STRN4: variants seen among roughly 807,000 people sequenced by gnomAD.
STRN4 encodes the protein striatin 4, also known as striatin-4.
STRN4 carries 27 observed loss-of-function variants against 77.9 expected under a neutral mutation model. The ratio of observed to expected loss-of-function variants is 0.35; its 90% CI spans 0.26 to 0.48. STRN4 has a LOEUF of 0.48. STRN4 is among the 20% of genes least tolerant of loss of function. The pLI is 0.99. For missense variants in STRN4, 798 were observed against 1,049.7 expected (o/e 0.76, Z 3.31); for synonymous variants, 466 against 443.1 (o/e 1.05, Z -0.65).
chr19:46,725,729 C>A lies in STRN4; in HGVS notation c.1249-81G>T, dbSNP rs2054095979. The A allele has an allele frequency of 9.3e-6, 14 of 1,512,690 alleles. No individual in the cohort carries two copies. In the South Asian group the frequency reaches 1.7e-4, roughly 18 times the overall value. The allele number at this position is 1,512,690 out of a possible 1,614,324, so 93.7% of individuals were successfully genotyped here. A position where few individuals can be genotyped will look rare whatever the true frequency, so the allele number is the denominator to read the frequency against. ...GACACCGACACCCAGGGCTTGAGGGCCCCTGTCTTCCACCCACATGACCCT... is the reference window on the plus strand; with the variant it reads ...GACACCGACACCCAGGGCTTGAGGGACCCTGTCTTCCACCCACATGACCCT... On this transcript the variant is annotated intron_variant, in intron 9 of 17. Transcript: ENST00000263280.
intron 9 of STRN4, 148 bp downstream of exon 9, chr19:46,727,304 C>T (rs2270684): frequency 1.6e-5 from 11 of 672,310 alleles, no homozygotes; most frequent in East Asian, 1.1e-4. Flanking sequence ...CCTTGGCGAC[C>T]GCAGTCAAGT....
At chr19:46,728,227 A>G (rs2054167437) in intron 7 of STRN4, 2 of 659,542 alleles carry the variant, frequency 3.0e-6, no homozygotes, top group African/African-American at 3.6e-5. Context: ...GGCCCCAGCC[A>G]CCCATCCCAC....
intron 1 of STRN4, among the ~76,000 whole-genome samples, chr19:46,743,068 G>A (rs561134679): frequency 6.6e-6 from 1 of 152,302 alleles, no homozygotes; most frequent in South Asian, 2.1e-4. Context: ...AAAAGAAAGA[G>A]TTCTCTGTGC....
intron 9 of STRN4, 149 bp downstream of exon 9, chr19:46,727,303 C>T: frequency 1.5e-6 from 1 of 670,042 alleles, no homozygotes; most frequent in Non-Finnish European, 2.6e-6. Context: ...GCCTTGGCGA[C>T]CGCAGTCAAG....
rs768347053 is a variant in STRN4 at position 46,738,280 on chromosome 19, A to C, written c.387-43T>G. On this transcript the variant is annotated intron_variant, in intron 2 of 17. Coordinates refer to ENST00000263280, the MANE Select transcript of STRN4 (RefSeq NM_013403.3). This position sits in a 1 kb window ranked among gnomAD's most constrained non-coding sequence, Gnocchi z 4.5. The stretch of plus-strand genomic sequence containing the variant: ...TAATGAATAAGAGATGCGGGAGAGT[A>C]GACAGGGTCAGTAGTTACCTAAGGA... 6.4e-7 allele frequency: 1 copy of C among 1,564,542 alleles called. No homozygotes were observed. The highest frequency in any genetic ancestry group is 8.8e-7 in the Non-Finnish European group (1 of 1,135,210).
intron 6 of STRN4, among the ~76,000 whole-genome samples, chr19:46,729,796 A>T (rs2054207811): frequency 6.6e-6 from 1 of 152,212 alleles, no homozygotes. Context: ...GCACCAGCTC[A>T]TTCTAATTAA....
intron 5 of STRN4, 96 bp from the exon 6 acceptor site, chr19:46,730,969 G>A: frequency 6.5e-7 from 1 of 1,548,500 alleles, no homozygotes; most frequent in Non-Finnish European, 8.7e-7. Flanking sequence ...CCAGAGCCCA[G>A]ACCCAGCTAA....
At chr19:46,728,908 C>T in intron 6 of STRN4, 131 bp from the exon 7 acceptor site, 1 of 1,375,356 alleles carries the variant, frequency 7.3e-7, no homozygotes, top group Non-Finnish European at 9.7e-7. Context: ...AGCCGCCAGC[C>T]AGCTGCCCTG....
intron 8 of STRN4, 78 bp downstream of exon 8, chr19:46,727,816 G>A (rs1031396224): frequency 3.8e-6 from 5 of 1,324,744 alleles, no homozygotes; most frequent in African/African-American, 1.4e-5. Context: ...TGAAGACACA[G>A]AAGCCCTGGG....
intron 16 of STRN4, chr19:46,721,419 A>C (rs1040361509): frequency 5.1e-5 from 8 of 155,946 alleles, no homozygotes; most frequent in African/African-American, 1.7e-4. Flanking sequence ...AGAGGCTGCC[A>C]GCACAGGCCC....
chr19:46,728,336 C>T, intron 7 of STRN4: 2 of 586,666 alleles, frequency 3.4e-6, no homozygotes, highest in Non-Finnish European at 6.1e-6. Flanking sequence ...CCTGTTCCCT[C>T]CTTGAGGCCA....
chr19:46,737,880 T>C (rs143731052), intron 3 of STRN4, among the ~76,000 whole-genome samples: 2 of 152,200 alleles, frequency 1.3e-5, no homozygotes, highest in African/African-American at 4.8e-5. Context: ...ACTCTATAAA[T>C]AGCCCTGGCG....
chr19:46,724,249 C>CAAAAAAAAAAAAAAAAA (rs71970589), intron 12 of STRN4, among the ~76,000 whole-genome samples: 12 of 87,176 alleles, frequency 1.4e-4, no homozygotes, highest in African/African-American at 3.6e-4. Flanking sequence ...CTCTTTGTCT[C>CAAAAAAAAAAAAAAAAA]AAAAAAAAAA....
chr19:46,728,853 G>C, intron 6 of STRN4, 76 bp from the exon 7 acceptor site: 1 of 1,568,576 alleles, frequency 6.4e-7, no homozygotes, highest in Non-Finnish European at 8.7e-7. Context: ...CCTAGGAACA[G>C]GTAAGCCGGG....
chr19:46,732,633 A>G (rs984773164), intron 5 of STRN4: 3 of 183,900 alleles, frequency 1.6e-5, no homozygotes, highest in South Asian at 9.7e-5. Flanking sequence ...AGCATCACCT[A>G]CGTGGCCTCA....
intron 9 of STRN4, chr19:46,726,111 G>A (rs1025176965): frequency 5.4e-5 from 9 of 167,108 alleles, no homozygotes; most frequent in Admixed American, 1.7e-4. Context: ...GAAAGGGCCC[G>A]TGCAGAGGCC....
In STRN4 at chr19:46,727,523, C is replaced by G; in HGVS notation, c.1177G>C (p.Gly393Arg). ...HEDVFIMDTI[G>R]GGEVSLGDLA... Reference sequence around the variant, plus strand: ...TCCCCCAGGCTCACCTCCCCGCCCCCGATAGTGTCCATGATGAAGACGTCT... The same window carrying G: ...TCCCCCAGGCTCACCTCCCCGCCCCGGATAGTGTCCATGATGAAGACGTCT... Residue 393 changes from glycine to arginine, a missense_variant, in exon 9 of 18, where the codon GGG becomes CGG. Coordinates refer to ENST00000263280, the MANE Select transcript of STRN4 (RefSeq NM_013403.3). 6.2e-7 allele frequency: 1 copy of G among 1,613,910 alleles called. No homozygotes were observed. The highest frequency in any genetic ancestry group is 8.5e-7 in the Non-Finnish European group (1 of 1,179,958).
In STRN4 at chr19:46,733,561, G is replaced by A; in HGVS notation, c.540-325C>T. ...CGCTGCAAGGCAGAAGATCAACAGGGCAGAGCCTTAAGGGAAGCTGGCCAC... is the reference window on the plus strand; with the variant it reads ...CGCTGCAAGGCAGAAGATCAACAGGACAGAGCCTTAAGGGAAGCTGGCCAC... On this transcript the variant is annotated intron_variant, in intron 4 of 17. Coordinates refer to ENST00000263280, the MANE Select transcript of STRN4 (RefSeq NM_013403.3). This position sits in a 1 kb window ranked among gnomAD's most constrained non-coding sequence, Gnocchi z 4.3. The A allele has an allele frequency of 3.3e-6, 1 of 301,240 alleles. No homozygotes were observed. The highest frequency in any genetic ancestry group is 6.4e-6 in the Non-Finnish European group (1 of 157,406). The allele number at this position is 301,240 out of a possible 1,614,324, so 18.7% of individuals were successfully genotyped here. A position where few individuals can be genotyped will look rare whatever the true frequency, so the allele number is the denominator to read the frequency against.
rs199564666 is a variant in STRN4, at chr19:46,725,298, C to T, written c.1472+34G>A. ...GTCAGGAGTCAGGCTGCATTTAGGA[C>T]GAGTTTCTAGCAGGCTCAGGGGCAC... On this transcript the variant is annotated intron_variant, in intron 11 of 17. Transcript: ENST00000263280. 1,528 of 1,613,798 alleles carry T rather than the reference C, an allele frequency of 9.5e-4. 3 individuals carry two copies. The highest frequency in any genetic ancestry group is 3.1e-3 in the South Asian group (278 of 91,070).
Sources: allele counts gnomAD v4.1 joint callset (sites outside exome capture counted in the v4.1 genomes callset), GRCh38; gene constraint gnomAD v4.1.1; non-coding constraint Gnocchi (gnomAD v3.1); transcripts MANE v1.5; gene names NCBI Gene and HGNC (gene_info 2026-07-23, HGNC 2026-07-21).